Variants in PLPPR3 observed in about 807,000 individuals in gnomAD.
PLPPR3 encodes phospholipid phosphatase-related protein type 3.
Under a neutral mutation model 27.3 loss-of-function variants are expected in PLPPR3, and 14 were observed. That is an observed-to-expected ratio of 0.51 (90% CI 0.34 to 0.80). PLPPR3 has a LOEUF of 0.80. PLPPR3 is among the 30% of genes least tolerant of loss of function. The probability of loss-of-function intolerance (pLI) is 0.01; values close to 1 mark genes in which losing one functional copy is unlikely to be tolerated. For synonymous variants in PLPPR3, 671 were observed against 508.0 expected, an observed-to-expected ratio of 1.32 and a Z score of -4.32; for missense variants, 1,287 against 1,056.9, an observed-to-expected ratio of 1.22 and a Z score of -3.02.
At chr19:816,433 C>G (rs1309795412) in intron 2 of PLPPR3, among the ~76,000 whole-genome samples, 1 of 143,508 alleles carries the variant, frequency 7.0e-6, no homozygotes, top group African/African-American at 2.6e-5. Flanking sequence ...CACCCACCCA[C>G]CCATCTACCC....
intron 1 of PLPPR3, 161 bp downstream of exon 1, chr19:821,754 T>G: frequency 5.6e-6 from 2 of 356,598 alleles, no homozygotes; most frequent in East Asian, 4.6e-5. Context: ...CGGGCGCCCC[T>G]ACACCCGGGA....
chr19:821,665 A>T, intron 1 of PLPPR3, 80 bp from the exon 2 acceptor site: 1 of 741,346 alleles, frequency 1.3e-6, no homozygotes, highest in Non-Finnish European at 2.0e-6. Flanking sequence ...CCGGCGGGGG[A>T]GGGGCGGTCG....
At position 815,276 on chromosome 19, in the gene PLPPR3, G is replaced by A. The variant is rs777867877; in HGVS notation, c.313C>T (p.Arg105Cys). ...LYCLQSRLWG[R>C]AGGPAGAEGS... is the part of the protein sequence containing the mutation. Reference sequence around the variant, plus strand: ...TCCGCCCCGGCGGGCCCCCCGGCACGGCCCCACAGCCGGGACTGCAGACAG... The same window carrying A: ...TCCGCCCCGGCGGGCCCCCCGGCACAGCCCCACAGCCGGGACTGCAGACAG... Residue 105 changes from arginine to cysteine, a missense_variant, in exon 4 of 8, where the codon CGT (arginine) becomes TGT (cysteine). Arg to Cys is a radical substitution (Grantham distance 180). Transcript: ENST00000520876. 5.8e-6 allele frequency: 9 copies of A among 1,556,702 alleles called. No homozygotes were observed. Among genetic ancestry groups the A allele is most frequent in the South Asian group, 3.5e-5 (3 of 85,034 alleles).
At chr19:822,691 G>C (rs1599265927), upstream of PLPPR3, among the ~76,000 whole-genome samples, 1 of 152,358 alleles carries the variant, frequency 6.6e-6, no homozygotes, top group Non-Finnish European at 1.5e-5. Flanking sequence ...CTGTCTGCGT[G>C]CATTTCCTCC....
At chr19:814,783 C>T (rs749222838) in intron 5 of PLPPR3, 34 bp from the exon 6 acceptor site, 1 of 1,558,706 alleles carries the variant, frequency 6.4e-7, no homozygotes, top group East Asian at 2.2e-5. Context: ...CCCCGCCCAC[C>T]TGGGGACCCC....
At chr19:823,450 A>AAAAAAAAAAAAAAAC (rs111454578), upstream of PLPPR3, among the ~76,000 whole-genome samples, 463 of 143,754 alleles carry the variant, frequency 3.2e-3, 5 homozygotes, top group Admixed American at 0.018. Context: ...TCAAAAAAAA[A>AAAAAAAAAAAAAAAC]AAAAAAAACA....
At chr19:821,817 A>G in intron 1 of PLPPR3, 98 bp downstream of exon 1, 1 of 329,306 alleles carries the variant, frequency 3.0e-6, no homozygotes, top group Non-Finnish European at 5.4e-6. Context: ...TCCGGGCGGG[A>G]GCCAGTCCCC....
chr19:819,961 C>G (rs1452411030), intron 2 of PLPPR3, among the ~76,000 whole-genome samples: 1 of 151,966 alleles, frequency 6.6e-6, no homozygotes, highest in South Asian at 2.1e-4. Flanking sequence ...CCATCTCAGG[C>G]TCCTATGTAA....
upstream of PLPPR3, among the ~76,000 whole-genome samples, chr19:823,569 G>T (rs2035181406): frequency 6.6e-6 from 1 of 152,208 alleles, no homozygotes; most frequent in Non-Finnish European, 1.5e-5. Flanking sequence ...TGCGGAAACA[G>T]TTAAATGGCG....
At chr19:822,309 T>G (rs2035161271), upstream of PLPPR3, among the ~76,000 whole-genome samples, 2 of 138,562 alleles carry the variant, frequency 1.4e-5, no homozygotes, top group South Asian at 2.6e-4. Flanking sequence ...GGGCGGGGGT[T>G]GGGGTTTCGG....
At chr19:821,692 A>C (rs1242777898) in intron 1 of PLPPR3, 107 bp from the exon 2 acceptor site, 1 of 529,726 alleles carries the variant, frequency 1.9e-6, no homozygotes, top group African/African-American at 2.0e-5. Context: ...CTGAGGCTGC[A>C]GAGAGCGGCG....
At chr19:817,899 C>T (rs2035085500) in intron 2 of PLPPR3, among the ~76,000 whole-genome samples, 1 of 151,840 alleles carries the variant, frequency 6.6e-6, no homozygotes, top group Admixed American at 6.6e-5. Context: ...GTCTCACCAG[C>T]TGCAAAATGG....
chr19:812,969 G>A lies in PLPPR3; in HGVS notation c.1758C>T (p.His586=). 1 of 1,482,144 alleles carries A rather than the reference G, an allele frequency of 6.7e-7. No homozygotes were observed. Among genetic ancestry groups the A allele is most frequent in the East Asian group, 2.9e-5 (1 of 33,960 alleles). The allele number at this position is 1,482,144 out of a possible 1,614,324, so 91.8% of individuals were successfully genotyped here. A position where few individuals can be genotyped will look rare whatever the true frequency, so the allele number is the denominator to read the frequency against. ...GGTGCACCACGGGGTGGTGCGGCGC[G>A]TGCGCGTCGATGGTCACGATGCTGG... is the stretch of plus-strand genomic sequence containing the variant. ...DSASIVTIDA[H]APHHPVVHLS... The change falls in exon 8 of 8, where the codon CAC becomes CAT. Residue 586 remains histidine (H), a synonymous_variant. Coordinates refer to ENST00000520876, the MANE Select transcript of PLPPR3 (RefSeq NM_001270366.2).
At position 812,541 on chromosome 19, in the gene PLPPR3, GCCCCC is replaced by G; in HGVS notation, c.*24_*28del. On this transcript the variant is annotated 3_prime_UTR_variant, in exon 8 of 8. Transcript: ENST00000520876. ...GCGCGGCCGCCCGCGCCCTCGGCCC[GCCCCC>G]CGCCCGCCCCCGGCCCCGCCGCGCT... 6.5e-6 allele frequency: 4 copies of G among 617,382 alleles called. No individual in the cohort carries two copies. Among genetic ancestry groups the G allele is most frequent in the Non-Finnish European group, 6.0e-6 (3 of 496,516 alleles). 38.2% of individuals were successfully genotyped at this position (617,382 alleles called of 1,614,324 possible).
Position 813,195 on chromosome 19 carries a change from CT to C in PLPPR3, c.1531del (p.Ser511AlafsTer11). 2 of 1,508,304 alleles carry C rather than the reference CT, an allele frequency of 1.3e-6. No homozygotes were observed. The highest frequency in any genetic ancestry group is 8.8e-7 in the Non-Finnish European group (1 of 1,140,296). The allele number at this position is 1,508,304 out of a possible 1,614,324, so 93.4% of individuals were successfully genotyped here. ...CCACTTGGCGCGCACCCCGGCGCCG[CT>C]TTTGGGGGACAGGCCGGCCCCCGTC... ...AQTGAGLSPK[S>X]GAGVRAKWLM... is the part of the protein sequence containing the mutation. On this transcript the variant is annotated frameshift_variant, in exon 8 of 8. Transcript: ENST00000520876. LOFTEE classifies it low-confidence loss of function (END_TRUNC). This position sits in a 1 kb window ranked among gnomAD's most constrained non-coding sequence, Gnocchi z 4.1.
At chr19:823,066 C>G (rs181980674), upstream of PLPPR3, among the ~76,000 whole-genome samples, 1 of 151,586 alleles carries the variant, frequency 6.6e-6, no homozygotes, top group African/African-American at 2.4e-5. Flanking sequence ...TTGCAGTGAG[C>G]CGAGATCGTG....
chr19:814,366 G>C, intron 7 of PLPPR3, 68 bp downstream of exon 7: 2 of 1,458,420 alleles, frequency 1.4e-6, no homozygotes, highest in South Asian at 2.6e-5. Flanking sequence ...GGCCCTGTGG[G>C]CACTCATGCC....
At position 815,173 on chromosome 19, in the gene PLPPR3, T is replaced by C. The variant is rs351987; in HGVS notation, c.403+13A>G. On this transcript the variant is annotated intron_variant, in intron 4 of 7. Transcript: ENST00000520876. ...GGAGGTAGCTCAGGGTCGGGGCGCG[T>C]CCCGCAACTCACCCACAAACCGCAC... The C allele has an allele frequency of 6.2e-7, 1 of 1,602,366 alleles. No individual in the cohort carries two copies. Among genetic ancestry groups the C allele is most frequent in the Non-Finnish European group, 8.5e-7 (1 of 1,178,810 alleles).
Position 813,769 on chromosome 19 carries a change from A to C in PLPPR3, c.958T>G (p.Ser320Ala), listed in dbSNP as rs1477403728. Residue 320 changes from serine (S) to alanine (A), a missense_variant, in exon 8 of 8, where the codon TCG (serine) becomes GCG (alanine). Ser to Ala is a moderately conservative substitution (Grantham distance 99). Transcript: ENST00000520876. The surrounding 1 kb of genome is among the most constrained non-coding windows in gnomAD (Gnocchi z 4.1). Reference sequence around the variant, plus strand: ...GGCCCCAGCTCGTCGGTGCTCACCGACTTATTCTGCTGATAAACCGAGTCG... The same window carrying C: ...GGCCCCAGCTCGTCGGTGCTCACCGCCTTATTCTGCTGATAAACCGAGTCG... Reference protein sequence around the residue: ...GHDSVYQQNKSVSTDELGPPG... With the variant: ...GHDSVYQQNKAVSTDELGPPG... 6.5e-7 allele frequency: 1 copy of C among 1,528,014 alleles called. No individual in the cohort carries two copies. The allele number at this position is 1,528,014 out of a possible 1,614,324, so 94.7% of individuals were successfully genotyped here. A position where few individuals can be genotyped will look rare whatever the true frequency, so the allele number is the denominator to read the frequency against.
Sources: allele counts gnomAD v4.1 joint callset (sites outside exome capture counted in the v4.1 genomes callset), GRCh38; gene constraint gnomAD v4.1.1; non-coding constraint Gnocchi (gnomAD v3.1); transcripts MANE v1.5; gene names NCBI Gene and HGNC (gene_info 2026-07-23, HGNC 2026-07-21).